The following NRG3 variants were observed in gnomAD, a reference collection of about 807,000 sequenced individuals.
NRG3 encodes the protein pro-neuregulin-3, membrane-bound isoform.
A neutral mutation model predicts 66.9 loss-of-function variants in NRG3; 31 were observed. The ratio of observed to expected loss-of-function variants is 0.46; its 90% CI spans 0.35 to 0.63. The LOEUF (loss-of-function observed/expected upper bound fraction) is 0.63. NRG3 is among the 20% of genes least tolerant of loss of function. The pLI is 0.00. For synonymous variants in NRG3, 393 were observed against 359.4 expected (o/e 1.09, Z -1.06); for missense variants, 910 against 878.9 (o/e 1.04, Z -0.45).
chr10:82,918,047 TA>T (rs1382959408), intron 4 of NRG3, among the ~76,000 whole-genome samples: 1 of 150,662 alleles, frequency 6.6e-6, no homozygotes, highest in Non-Finnish European at 1.5e-5. Flanking sequence ...CATGTATGTA[TA>T]TTTTTTCCTG....
intron 1 of NRG3, among the ~76,000 whole-genome samples, chr10:82,139,993 T>C (rs984539038): frequency 6.6e-6 from 1 of 152,118 alleles, no homozygotes; most frequent in Non-Finnish European, 1.5e-5. Flanking sequence ...TCAGTTGTTA[T>C]CCAAATATGA....
intron 1 of NRG3, among the ~76,000 whole-genome samples, chr10:82,191,986 C>T (rs969639334): frequency 6.6e-6 from 1 of 152,144 alleles, no homozygotes; most frequent in Admixed American, 6.5e-5. Context: ...TTCTGATTTC[C>T]CTTTGCATTT....
At chr10:81,907,836 C>T (rs943594608) in intron 1 of NRG3, among the ~76,000 whole-genome samples, 3 of 152,146 alleles carry the variant, frequency 2.0e-5, no homozygotes, top group African/African-American at 7.2e-5. Flanking sequence ...CCAAAATTTT[C>T]AGAAGTTGGG....
At chr10:82,684,158 C>T (rs534397432) in intron 2 of NRG3, among the ~76,000 whole-genome samples, 30 of 152,248 alleles carry the variant, frequency 2.0e-4, no homozygotes, top group East Asian at 7.7e-4. Context: ...AATACAGATA[C>T]GGAGATTAAA....
intron 1 of NRG3, among the ~76,000 whole-genome samples, chr10:82,212,379 C>A (rs1364009632): frequency 1.3e-5 from 2 of 152,156 alleles, no homozygotes; most frequent in Non-Finnish European, 2.9e-5. Flanking sequence ...AAGTCAGTTT[C>A]TCTCATCATG....
intron 2 of NRG3, among the ~76,000 whole-genome samples, chr10:82,425,490 T>C (rs2089367513): frequency 6.6e-6 from 1 of 152,148 alleles, no homozygotes; most frequent in Non-Finnish European, 1.5e-5. Context: ...ATTAGAACTC[T>C]TAGCAAATTA....
At chr10:82,644,746 T>C (rs1176162796) in intron 2 of NRG3, among the ~76,000 whole-genome samples, 1 of 152,142 alleles carries the variant, frequency 6.6e-6, no homozygotes, top group African/African-American at 2.4e-5. Flanking sequence ...CTTTTAGTTA[T>C]TGGCAATTTA....
intron 1 of NRG3, among the ~76,000 whole-genome samples, chr10:81,916,847 G>C (rs1388223980): frequency 6.6e-6 from 1 of 152,146 alleles, no homozygotes; most frequent in Non-Finnish European, 1.5e-5. Flanking sequence ...GTTCGCCAAT[G>C]TTTGAATACA....
At chr10:82,455,742 G>A (rs1402124614) in intron 2 of NRG3, among the ~76,000 whole-genome samples, 1 of 151,810 alleles carries the variant, frequency 6.6e-6, no homozygotes, top group Non-Finnish European at 1.5e-5. Context: ...AGCCTCCCGA[G>A]TAGCTGGGAT....
intron 1 of NRG3, among the ~76,000 whole-genome samples, chr10:82,037,927 T>G (rs2132968804): frequency 6.6e-6 from 1 of 151,512 alleles, no homozygotes; most frequent in African/African-American, 2.4e-5. Flanking sequence ...CAGAAGGTGC[T>G]CATGAATGCC....
At chr10:82,443,705 C>A (rs1399246615) in intron 2 of NRG3, among the ~76,000 whole-genome samples, 1 of 152,050 alleles carries the variant, frequency 6.6e-6, no homozygotes, top group African/African-American at 2.4e-5. Context: ...TGCAAAATGC[C>A]AAGGGAGCAT....
chr10:82,845,663 G>C (rs1372969287), intron 3 of NRG3, among the ~76,000 whole-genome samples: 1 of 152,118 alleles, frequency 6.6e-6, no homozygotes, highest in African/African-American at 2.4e-5. Context: ...TGCAACATTT[G>C]TCTCAAACCT....
chr10:82,443,287 A>G (rs1432074290), intron 2 of NRG3, among the ~76,000 whole-genome samples: 1 of 152,092 alleles, frequency 6.6e-6, no homozygotes, highest in East Asian at 1.9e-4. Context: ...GGACAAAACC[A>G]CCAGCTTCGG....
At chr10:82,223,928 C>G (rs530492671) in intron 1 of NRG3, among the ~76,000 whole-genome samples, 2 of 152,242 alleles carry the variant, frequency 1.3e-5, no homozygotes, top group South Asian at 2.1e-4. Flanking sequence ...GTAAGAGATA[C>G]AAAGTGAGTC....
chr10:82,204,721 T>C lies in NRG3; in HGVS notation c.824-154018T>C, dbSNP rs867309604. On this transcript the variant is annotated intron_variant, in intron 1 of 8. Coordinates refer to ENST00000372141, the MANE Select transcript of NRG3 (RefSeq NM_001010848.4). ...TTTGTCCTCACCTATATAAGAGATG[T>C]CCTGTAAATCTCTTCTCAATTTCTC... 7.5e-4 allele frequency among the ~76,000 whole-genome samples: 114 copies of C among 152,330 alleles called. 1 individual carries two copies. The highest frequency in any genetic ancestry group is 3.7e-3 in the South Asian group (18 of 4,824).
At chr10:81,880,931 G>A (rs1384714960) in intron 1 of NRG3, among the ~76,000 whole-genome samples, 1 of 152,126 alleles carries the variant, frequency 6.6e-6, no homozygotes, top group African/African-American at 2.4e-5. Flanking sequence ...CCAAGAAAGT[G>A]TTCCCTCCAG....
intron 1 of NRG3, among the ~76,000 whole-genome samples, chr10:82,182,439 C>T (rs2073492907): frequency 6.6e-6 from 1 of 151,590 alleles, no homozygotes; most frequent in Admixed American, 6.6e-5. Flanking sequence ...ATGGGGCTTA[C>T]ATAATCATAT....
intron 1 of NRG3, among the ~76,000 whole-genome samples, chr10:82,192,411 G>A (rs2074198334): frequency 6.6e-6 from 1 of 152,162 alleles, no homozygotes; most frequent in South Asian, 2.1e-4. Context: ...AATAATTTGT[G>A]GGAGTGGGCA....
chr10:82,489,778 C>A (rs1237488189), intron 2 of NRG3, among the ~76,000 whole-genome samples: 3 of 152,072 alleles, frequency 2.0e-5, no homozygotes, highest in Admixed American at 2.0e-4. Context: ...TTATCAAAAT[C>A]TATTGAAAAA....
Sources: allele counts gnomAD v4.1 joint callset (sites outside exome capture counted in the v4.1 genomes callset), GRCh38; gene constraint gnomAD v4.1.1; transcripts MANE v1.5; gene names NCBI Gene and HGNC (gene_info 2026-07-23, HGNC 2026-07-21).